Variants in GULP1 observed in about 807,000 individuals in gnomAD.
GULP1 encodes the protein PTB domain-containing engulfment adapter protein 1.
A neutral mutation model predicts 40.9 loss-of-function variants in GULP1; 19 were observed. The ratio of observed to expected loss-of-function variants is 0.46; its 90% CI spans 0.32 to 0.68. The LOEUF is 0.68. GULP1 is among the 30% of genes least tolerant of loss of function. The pLI is 0.03. For missense variants in GULP1, 312 were observed against 362.2 expected (o/e 0.86, Z 1.12); for synonymous variants, 119 against 117.6 (o/e 1.01, Z -0.08).
At chr2:188,554,775 T>C (rs1694334404) in intron 7 of GULP1, among the ~76,000 whole-genome samples, 1 of 152,080 alleles carries the variant, frequency 6.6e-6, no homozygotes, top group African/African-American at 2.4e-5. Context: ...GCAGTCTATC[T>C]CTTTAGATCT....
At chr2:188,539,016 A>T in intron 6 of GULP1, among the ~76,000 whole-genome samples, 1 of 152,060 alleles carries the variant, frequency 6.6e-6, no homozygotes, top group East Asian at 1.9e-4. Flanking sequence ...ACTTGGATGA[A>T]TGAAAATGGA....
At position 188,409,213 on chromosome 2, in the gene GULP1, A is replaced by T. The variant is rs2053547400; in HGVS notation, c.-45+25324A>T. Reference sequence around the variant, plus strand: ...CTAAGAGTTGTTTGTAGAAAAGCAAAATGAATCAACAAGCCTTTAAACTAA... The same window carrying T: ...CTAAGAGTTGTTTGTAGAAAAGCAATATGAATCAACAAGCCTTTAAACTAA... On this transcript the variant is annotated intron_variant, in intron 2 of 11. Coordinates refer to ENST00000409830, the MANE Select transcript of GULP1 (RefSeq NM_016315.4). 4.6e-5 allele frequency among the ~76,000 whole-genome samples: 7 copies of T among 152,130 alleles called. No individual in the cohort carries two copies. In the South Asian group the frequency reaches 1.4e-3, roughly 31 times the overall value.
chr2:188,531,281 A>G (rs1482709113), intron 6 of GULP1, among the ~76,000 whole-genome samples: 1 of 152,234 alleles, frequency 6.6e-6, no homozygotes, highest in Non-Finnish European at 1.5e-5. Flanking sequence ...TTAATGCGGT[A>G]GGCCTCATTT....
chr2:188,372,048 T>A (rs2047669616), intron 1 of GULP1, among the ~76,000 whole-genome samples: 1 of 152,164 alleles, frequency 6.6e-6, no homozygotes, highest in Non-Finnish European at 1.5e-5. Context: ...GACTTTTGTT[T>A]CTTTAATTTC....
intron 2 of GULP1, among the ~76,000 whole-genome samples, chr2:188,428,374 G>T (rs2056467369): frequency 1.3e-5 from 2 of 152,086 alleles, no homozygotes; most frequent in Admixed American, 6.5e-5. Context: ...ATGAGATTTG[G>T]TAGGGGCCAG....
At chr2:188,517,052 C>T (rs909692477) in intron 4 of GULP1, among the ~76,000 whole-genome samples, 3 of 152,092 alleles carry the variant, frequency 2.0e-5, no homozygotes, top group Non-Finnish European at 4.4e-5. Flanking sequence ...GTTTGGCTCA[C>T]CCACTAGGAT....
intron 2 of GULP1, among the ~76,000 whole-genome samples, chr2:188,404,212 A>T (rs1418228081): frequency 1.3e-5 from 2 of 152,208 alleles, no homozygotes; most frequent in Admixed American, 6.5e-5. Context: ...ATTCATAATT[A>T]TAAAGACTGG....
chr2:188,462,224 T>C (rs2059766270), intron 2 of GULP1, among the ~76,000 whole-genome samples: 1 of 152,184 alleles, frequency 6.6e-6, no homozygotes, highest in African/African-American at 2.4e-5. Flanking sequence ...TTTTTATGTC[T>C]TTATATAGTT....
At chr2:188,454,375 A>T (rs2152930563) in intron 2 of GULP1, among the ~76,000 whole-genome samples, 1 of 152,294 alleles carries the variant, frequency 6.6e-6, no homozygotes, top group Admixed American at 6.5e-5. Context: ...AAAAAGGTTA[A>T]AACAAAGGCA....
chr2:188,526,707 A>G (rs1034185625), intron 5 of GULP1, among the ~76,000 whole-genome samples: 31 of 152,208 alleles, frequency 2.0e-4, no homozygotes, highest in African/African-American at 7.2e-4. Context: ...AATCAAGGCC[A>G]ATAACCAGTG....
chr2:188,313,254 T>A (rs2038489383), intron 1 of GULP1, among the ~76,000 whole-genome samples: 1 of 152,124 alleles, frequency 6.6e-6, no homozygotes, highest in Admixed American at 6.6e-5. Flanking sequence ...TGGTTTTGGG[T>A]TTTACATTTA....
intron 1 of GULP1, among the ~76,000 whole-genome samples, chr2:188,369,986 G>C (rs1375722440): frequency 6.6e-6 from 1 of 152,140 alleles, no homozygotes; most frequent in Admixed American, 6.5e-5. Flanking sequence ...GGGACTACAG[G>C]TGTGTGCCAA....
In GULP1 at chr2:188,438,284, A is replaced by G. The variant is rs905460139; in HGVS notation, c.-44-39375A>G. 5.3e-5 allele frequency among the ~76,000 whole-genome samples: 8 copies of G among 151,910 alleles called. No individual in the cohort carries two copies. In the South Asian group the frequency reaches 6.2e-4, roughly 12 times the overall value. The stretch of plus-strand genomic sequence containing the variant: ...TCATCTTCCAACATCTTATTGGCCA[A>G]TGCAGTCGCATGCCCAATTTCAAAG... On this transcript the variant is annotated intron_variant, in intron 2 of 11. Transcript: ENST00000409830.
At chr2:188,359,698 T>C (rs574297286) in intron 1 of GULP1, among the ~76,000 whole-genome samples, 1 of 152,286 alleles carries the variant, frequency 6.6e-6, no homozygotes, top group South Asian at 2.1e-4. Context: ...CTATTAGTTA[T>C]TGCTTTTCTG....
At chr2:188,318,826 T>G (rs896536681) in intron 1 of GULP1, among the ~76,000 whole-genome samples, 1 of 152,162 alleles carries the variant, frequency 6.6e-6, no homozygotes, top group South Asian at 2.1e-4. Context: ...GCGCTTCCTA[T>G]GGGGTAGCTG....
chr2:188,399,690 G>GAAAAAAAAA (rs55877284), intron 2 of GULP1, among the ~76,000 whole-genome samples: 5 of 64,666 alleles, frequency 7.7e-5, no homozygotes, highest in Admixed American at 5.1e-4. Flanking sequence ...GTCCCTACAA[G>GAAAAAAAAA]AAAAAAAAAA....
At chr2:188,380,928 G>C (rs2152494743) in intron 1 of GULP1, among the ~76,000 whole-genome samples, 1 of 152,200 alleles carries the variant, frequency 6.6e-6, no homozygotes, top group East Asian at 1.9e-4. Flanking sequence ...GGGGATAAAG[G>C]AAGTTTTAGT....
chr2:188,580,192 C>G (rs1468329879), intron 9 of GULP1, among the ~76,000 whole-genome samples: 1 of 152,096 alleles, frequency 6.6e-6, no homozygotes, highest in African/African-American at 2.4e-5. Flanking sequence ...TAAGTTATAT[C>G]GAACAAAAAC....
rs145136412 is a variant in GULP1, at chr2:188,341,079, C to G, written c.-171-42684C>G. Among the ~76,000 whole-genome samples the G allele has an allele frequency of 3.3e-3, 505 of 152,172 alleles. 4 individuals are homozygous for G. The highest frequency in any genetic ancestry group is 0.012 in the African/African-American group (488 of 41,532). Reference sequence around the variant, plus strand: ...GCTTTTGAATGGGAAAACAGGAATGCATGTTCTCACTTTGGGCTGTGGTTC... The same window carrying G: ...GCTTTTGAATGGGAAAACAGGAATGGATGTTCTCACTTTGGGCTGTGGTTC... On this transcript the variant is annotated intron_variant, in intron 1 of 11. Transcript: ENST00000409830.
Sources: allele counts gnomAD v4.1 joint callset (sites outside exome capture counted in the v4.1 genomes callset), GRCh38; gene constraint gnomAD v4.1.1; transcripts MANE v1.5; gene names NCBI Gene and HGNC (gene_info 2026-07-23, HGNC 2026-07-21).